The following KHK variants were observed in gnomAD, a reference collection of about 807,000 sequenced individuals.
KHK encodes the protein ketohexokinase, also known as fructokinase.
Under a neutral mutation model 36.0 loss-of-function variants are expected in KHK, and 37 were observed. The ratio of observed to expected loss-of-function variants is 1.03; its 90% CI spans 0.79 to 1.35. The LOEUF is 1.35. Ranked by LOEUF, KHK falls within the 40% of genes most tolerant of loss-of-function variation. KHK has a pLI of 0.00. For missense variants in KHK, 395 were observed against 391.9 expected (o/e 1.01, Z -0.07); for synonymous variants, 161 against 162.8 (o/e 0.99, Z 0.08).
rs1363080307 is a variant in KHK, at chr2:27,092,391, C to A, written c.152C>A (p.Ser51Tyr). 1 of 1,613,666 alleles carries A rather than the reference C, an allele frequency of 6.2e-7. No homozygotes were observed. The highest frequency in any genetic ancestry group is 1.1e-5 in the South Asian group (1 of 91,092). Residue 51 changes from serine (S) to tyrosine (Y), a missense_variant, in exon 2 of 8, where the codon TCC (serine) becomes TAC (tyrosine). Transcript: ENST00000260598. ...GCGTCCAACTCCTGCACCGTTCTCTCCCTGCTCGGAGCCCCCTGTGCCTTC... is the reference window on the plus strand; with the variant it reads ...GCGTCCAACTCCTGCACCGTTCTCTACCTGCTCGGAGCCCCCTGTGCCTTC... ...GNASNSCTVLSLLGAPCAFMG... is the reference protein window; with the variant it reads ...GNASNSCTVLYLLGAPCAFMG...
chr2:27,098,910 T>C (rs909251460), intron 5 of KHK: 2 of 411,196 alleles, frequency 4.9e-6, no homozygotes, highest in African/African-American at 4.1e-5. Flanking sequence ...GATAAAAATA[T>C]GCTTCTGGCC....
At chr2:27,098,363 A>G (rs1670534246) in intron 5 of KHK, among the ~76,000 whole-genome samples, 1 of 151,894 alleles carries the variant, frequency 6.6e-6, no homozygotes, top group South Asian at 2.1e-4. Flanking sequence ...CTCTATGAAA[A>G]TAAATTAGGC....
At chr2:27,094,426 C>G (rs766956071) in intron 2 of KHK, 2 of 1,608,456 alleles carry the variant, frequency 1.2e-6, no homozygotes, top group East Asian at 4.5e-5. Flanking sequence ...CCCTCCAGTC[C>G]CCAAAACCCT....
At chr2:27,092,218 C>T (rs560106672) in intron 1 of KHK, 114 bp from the exon 2 acceptor site, 94 of 878,088 alleles carry the variant, frequency 1.1e-4, no homozygotes, top group South Asian at 9.8e-4. Context: ...AGACGTCGGC[C>T]TAGATGCTTT....
intron 1 of KHK, among the ~76,000 whole-genome samples, chr2:27,089,384 A>G (rs917636804): frequency 4.6e-5 from 7 of 152,252 alleles, no homozygotes; most frequent in African/African-American, 1.4e-4. Context: ...CTCAGTGAGG[A>G]GTTGGGTTCA....
chr2:27,096,941 TTA>T, intron 4 of KHK, 140 bp downstream of exon 4: 1 of 721,782 alleles, frequency 1.4e-6, no homozygotes. Flanking sequence ...CCATCTTTCC[TTA>T]TGTCTTCAGG....
At chr2:27,096,080 C>T (rs1240428633) in intron 3 of KHK, among the ~76,000 whole-genome samples, 1 of 152,204 alleles carries the variant, frequency 6.6e-6, no homozygotes, top group African/African-American at 2.4e-5. Flanking sequence ...GCAGATCACA[C>T]AGCTATAGTT....
chr2:27,094,695 C>CGT lies in KHK; in HGVS notation c.210-101_210-100dup. On this transcript the variant is annotated intron_variant, in intron 2 of 7. Coordinates refer to ENST00000260598, the MANE Select transcript of KHK (RefSeq NM_006488.3). Reference sequence around the variant, plus strand: ...CAGGACTCTTCTTCTCTTAGAGGCTCGTGTGCTCCAGCACCCTCTCCCCAC... The same window carrying CGT: ...CAGGACTCTTCTTCTCTTAGAGGCTCGTGTGTGCTCCAGCACCCTCTCCCCAC... The CGT allele has an allele frequency of 2.5e-6, 4 of 1,612,560 alleles. No individual in the cohort carries two copies. In the South Asian group the frequency reaches 4.4e-5, roughly 18 times the overall value.
Position 27,087,182 on chromosome 2 carries a change from A to G in KHK, c.-78A>G. 1 of 1,249,276 alleles carries G rather than the reference A, an allele frequency of 8.0e-7. No homozygotes were observed. The highest frequency in any genetic ancestry group is 1.1e-6 in the Non-Finnish European group (1 of 876,976). The allele number at this position is 1,249,276 out of a possible 1,614,324, so 77.4% of individuals were successfully genotyped here. On this transcript the variant is annotated 5_prime_UTR_variant, in exon 1 of 8. Coordinates refer to ENST00000260598, the MANE Select transcript of KHK (RefSeq NM_006488.3). ...AGCCAGGGCAGCTGGGAGCGGGGAC[A>G]CCATCCTCCTGGATAAGAGGCAGAG...
intron 1 of KHK, among the ~76,000 whole-genome samples, chr2:27,089,748 C>T (rs972095308): frequency 3.9e-5 from 6 of 152,212 alleles, no homozygotes; most frequent in African/African-American, 1.2e-4. Flanking sequence ...CCCAGTCCTT[C>T]CTGGGTGTCT....
At chr2:27,098,622 T>C (rs1670560738) in intron 5 of KHK, among the ~76,000 whole-genome samples, 1 of 152,020 alleles carries the variant, frequency 6.6e-6, no homozygotes, top group Non-Finnish European at 1.5e-5. Context: ...CGGTGTTTTG[T>C]TTTTTGTTTT....
At chr2:27,097,728 C>T in intron 5 of KHK, 79 bp downstream of exon 5, 2 of 1,583,032 alleles carry the variant, frequency 1.3e-6, no homozygotes, top group Non-Finnish European at 1.7e-6. Context: ...TTTTATCCTG[C>T]CTACCACAAT....
At chr2:27,091,706 A>G (rs1397390462) in intron 1 of KHK, among the ~76,000 whole-genome samples, 1 of 152,212 alleles carries the variant, frequency 6.6e-6, no homozygotes, top group Non-Finnish European at 1.5e-5. Context: ...GCTGATGACA[A>G]TGAAGCCCTT....
At chr2:27,097,478 C>A in intron 4 of KHK, 25 bp from the exon 5 acceptor site, 1 of 1,612,622 alleles carries the variant, frequency 6.2e-7, no homozygotes, top group South Asian at 1.1e-5. Context: ...GCCCAGCGGT[C>A]CTGAGCTGCC....
rs1253799174 is a variant in KHK, at chr2:27,094,881, C to T, written c.291C>T (p.Ser97=). ...AGAGCAAGGGGGACACCCCCAGCTC[C>T]TGCTGCATCATCAACAACTCCAATG... ...AWQSKGDTPS[S]CCIINNSNGN... is the part of the protein sequence containing the mutation. Residue 97 remains serine, a synonymous_variant, in exon 3 of 8, where the codon TCC becomes TCT. Coordinates refer to ENST00000260598, the MANE Select transcript of KHK (RefSeq NM_006488.3). 1.9e-6 allele frequency: 3 copies of T among 1,614,052 alleles called. No individual in the cohort carries two copies. The South Asian group carries it at 3.3e-5, about 18-fold the overall frequency.
intron 2 of KHK, among the ~76,000 whole-genome samples, chr2:27,093,074 G>A (rs1261627101): frequency 6.6e-6 from 1 of 152,200 alleles, no homozygotes; most frequent in East Asian, 1.9e-4. Context: ...GACCCCTGGC[G>A]CTGCCGACTC....
At chr2:27,097,362 T>C in intron 4 of KHK, 141 bp from the exon 5 acceptor site, 1 of 981,344 alleles carries the variant, frequency 1.0e-6, no homozygotes, top group Non-Finnish European at 1.6e-6. Context: ...CAGCTCTGAA[T>C]GTTGTAATTT....
chr2:27,100,448 G>A lies in KHK; in HGVS notation c.*698G>A. ...TTAAGGGCGTGCCTCAGCCACAAAT[G>A]TGACCCAGGATACAGAGTGTTGCTG... On this transcript the variant is annotated 3_prime_UTR_variant, in exon 8 of 8. Coordinates refer to ENST00000260598, the MANE Select transcript of KHK (RefSeq NM_006488.3). 1 of 1,291,082 alleles carries A rather than the reference G, an allele frequency of 7.7e-7. No individual in the cohort carries two copies. The highest frequency in any genetic ancestry group is 1.0e-6 in the Non-Finnish European group (1 of 988,878). The allele number at this position is 1,291,082 out of a possible 1,614,324, so 80.0% of individuals were successfully genotyped here. A position where few individuals can be genotyped will look rare whatever the true frequency, so the allele number is the denominator to read the frequency against.
intron 2 of KHK, chr2:27,094,445 T>G (rs751976199): frequency 6.2e-7 from 1 of 1,611,348 alleles, no homozygotes; most frequent in Non-Finnish European, 8.5e-7. Flanking sequence ...CTTGTCGAAC[T>G]GCACCCCCTT....
Sources: gnomAD v4.1 joint callset for allele counts (sites outside exome capture counted in the v4.1 genomes callset) on GRCh38, gnomAD v4.1.1 for gene constraint, MANE v1.5 for transcripts, NCBI Gene and HGNC (gene_info 2026-07-23, HGNC 2026-07-21) for gene names.